Variants in PDE10A observed in about 807,000 individuals in gnomAD.
PDE10A encodes the protein phosphodiesterase 10A, also known as cAMP and cAMP-inhibited cGMP 3',5'-cyclic phosphodiesterase 10A.
PDE10A carries 39 observed loss-of-function variants against 97.7 expected under a neutral mutation model. The ratio of observed to expected loss-of-function variants is 0.40; its 90% CI spans 0.31 to 0.52. The LOEUF (loss-of-function observed/expected upper bound fraction) is 0.52, where lower values mean the gene tolerates loss of function less well. Among genes scored for constraint, PDE10A ranks in the 20% least tolerant of loss-of-function variants. The probability of loss-of-function intolerance (pLI) is 0.56; values close to 1 mark genes in which losing one functional copy is unlikely to be tolerated. For missense variants in PDE10A, 731 were observed against 1,047.8 expected (o/e 0.70, Z 4.17); for synonymous variants, 371 against 376.8 (o/e 0.98, Z 0.18).
intron 1 of PDE10A, among the ~76,000 whole-genome samples, chr6:165,590,823 G>A (rs974952159): frequency 2.0e-5 from 3 of 152,038 alleles, no homozygotes; most frequent in Non-Finnish European, 1.5e-5. Flanking sequence ...CCCGGGAGGC[G>A]GAGCTTGCAG....
intron 2 of PDE10A, among the ~76,000 whole-genome samples, chr6:165,517,954 T>C (rs994079564): frequency 3.9e-5 from 6 of 152,226 alleles, no homozygotes; most frequent in African/African-American, 1.4e-4. Flanking sequence ...TCCTATGAAG[T>C]TGGTTTTATT....
chr6:165,904,749 T>A (rs560145128), intron 1 of PDE10A, among the ~76,000 whole-genome samples: 48 of 152,320 alleles, frequency 3.2e-4, no homozygotes, highest in African/African-American at 1.2e-3. Context: ...CATTTACTGT[T>A]TTTGTGTTCG....
At chr6:165,853,747 A>G (rs1187099000) in intron 1 of PDE10A, among the ~76,000 whole-genome samples, 1 of 152,224 alleles carries the variant, frequency 6.6e-6, no homozygotes, top group African/African-American at 2.4e-5. Flanking sequence ...AAAACAATGA[A>G]TGTAACTCTG....
At chr6:165,767,596 C>T (rs1427471884) in intron 1 of PDE10A, among the ~76,000 whole-genome samples, 3 of 152,178 alleles carry the variant, frequency 2.0e-5, no homozygotes, top group Admixed American at 6.5e-5. Flanking sequence ...CAAGAGTCAT[C>T]GATGCTGTGG....
At chr6:165,898,100 C>A (rs540014008) in intron 1 of PDE10A, among the ~76,000 whole-genome samples, 82 of 151,678 alleles carry the variant, frequency 5.4e-4, no homozygotes, top group African/African-American at 2.0e-3. Context: ...GGCTCTAGTC[C>A]CCCTCCACCC....
chr6:165,958,606 AAAGGAAGGAAGG>A (rs529963460), intron 1 of PDE10A, among the ~76,000 whole-genome samples: 1 of 148,184 alleles, frequency 6.7e-6, no homozygotes. Context: ...AGAAAGAGAG[AAAGGAAGGAAGG>A]AAGGAATGAA....
chr6:165,489,173 C>A (rs1423380235), intron 2 of PDE10A, among the ~76,000 whole-genome samples: 1 of 152,114 alleles, frequency 6.6e-6, no homozygotes, highest in Non-Finnish European at 1.5e-5. Context: ...AAAACACAAC[C>A]AAGGACCCTC....
intron 1 of PDE10A, among the ~76,000 whole-genome samples, chr6:165,746,551 T>A (rs1792847888): frequency 6.6e-6 from 1 of 152,236 alleles, no homozygotes; most frequent in South Asian, 2.1e-4. Flanking sequence ...AGTGAGGGTG[T>A]GTCCCGAGTG....
At chr6:165,715,516 A>C (rs2128447212) in intron 1 of PDE10A, among the ~76,000 whole-genome samples, 1 of 152,300 alleles carries the variant, frequency 6.6e-6, no homozygotes, top group African/African-American at 2.4e-5. Flanking sequence ...ATTCCCCCAA[A>C]GGAACCTGTA....
At chr6:165,862,925 C>T (rs1021174192) in intron 1 of PDE10A, among the ~76,000 whole-genome samples, 5 of 152,330 alleles carry the variant, frequency 3.3e-5, no homozygotes, top group African/African-American at 1.2e-4. Flanking sequence ...AGTGATCTGC[C>T]CGCCTTTGCT....
chr6:165,943,492 T>C (rs143729169), intron 1 of PDE10A, among the ~76,000 whole-genome samples: 5 of 152,274 alleles, frequency 3.3e-5, no homozygotes, highest in Non-Finnish European at 5.9e-5. Context: ...GAACTGATGC[T>C]GTAACTCAGT....
intron 1 of PDE10A, among the ~76,000 whole-genome samples, chr6:165,738,881 A>G (rs1281798422): frequency 6.6e-6 from 1 of 152,252 alleles, no homozygotes; most frequent in Admixed American, 6.5e-5. Context: ...AGAGAAATTT[A>G]AAAAACAATT....
At chr6:165,371,563 A>C (rs534800412) in intron 18 of PDE10A, among the ~76,000 whole-genome samples, 95 of 152,230 alleles carry the variant, frequency 6.2e-4, no homozygotes, top group African/African-American at 1.9e-3. Flanking sequence ...CAATAACAGG[A>C]GCTGAAATTG....
At chr6:165,902,829 G>A (rs1040878214) in intron 1 of PDE10A, among the ~76,000 whole-genome samples, 1 of 152,248 alleles carries the variant, frequency 6.6e-6, no homozygotes, top group Non-Finnish European at 1.5e-5. Flanking sequence ...GTAACAGTGA[G>A]TCCCTGGAGA....
At position 165,332,570 on chromosome 6, in the gene PDE10A, T is replaced by C. The variant is rs1781399766; in HGVS notation, c.*455A>G. 6.4e-6 allele frequency: 1 copy of C among 155,734 alleles called. No individual in the cohort carries two copies. 9.6% of individuals were successfully genotyped at this position (155,734 alleles called of 1,614,324 possible). A position where few individuals can be genotyped will look rare whatever the true frequency, so the allele number is the denominator to read the frequency against. On this transcript the variant is annotated 3_prime_UTR_variant, in exon 22 of 22. Transcript: ENST00000539869. The stretch of plus-strand genomic sequence containing the variant: ...CATGAACATTCACCATTCACAATAG[T>C]AATGTGTAAAAATTCCTATTTATAT...
At chr6:165,651,967 T>G (rs995374686) in intron 1 of PDE10A, among the ~76,000 whole-genome samples, 2 of 152,132 alleles carry the variant, frequency 1.3e-5, no homozygotes, top group African/African-American at 2.4e-5. Flanking sequence ...GTGTCTGGGT[T>G]TGTTAACACT....
intron 1 of PDE10A, among the ~76,000 whole-genome samples, chr6:165,645,735 T>C (rs1343449895): frequency 1.3e-5 from 2 of 150,802 alleles, no homozygotes; most frequent in Non-Finnish European, 2.9e-5. Flanking sequence ...GCACCTGTAA[T>C]CCCAGCTACT....
intron 1 of PDE10A, among the ~76,000 whole-genome samples, chr6:165,848,486 C>T (rs79336318): frequency 0.023 from 3,564 of 152,292 alleles, 66 homozygotes; most frequent in South Asian, 0.1. Context: ...TCTTTGGCCC[C>T]TGATTAAATT....
intron 1 of PDE10A, among the ~76,000 whole-genome samples, chr6:165,935,743 T>A (rs1783303859): frequency 6.6e-6 from 1 of 152,224 alleles, no homozygotes; most frequent in African/African-American, 2.4e-5. Flanking sequence ...AATGCCACTA[T>A]ATCAGGGGTG....
Sources: allele counts gnomAD v4.1 joint callset (sites outside exome capture counted in the v4.1 genomes callset), GRCh38; gene constraint gnomAD v4.1.1; transcripts MANE v1.5; gene names NCBI Gene and HGNC (gene_info 2026-07-23, HGNC 2026-07-21).